OFD1: variants seen among roughly 807,000 people sequenced by gnomAD.
The protein encoded by OFD1 is OFD1 centriole and centriolar satellite protein.
In OFD1, 12 loss-of-function variants were observed where a neutral mutation model predicts 81.4. That is an observed-to-expected ratio of 0.15 (90% CI 0.09 to 0.24). The LOEUF (loss-of-function observed/expected upper bound fraction) is 0.24. Ranked by LOEUF, OFD1 falls within the 10% of genes least tolerant of loss-of-function variation. The pLI, the probability that OFD1 is intolerant of heterozygous loss-of-function variation, is 1.00. For synonymous variants in OFD1, 256 were observed against 263.7 expected, an observed-to-expected ratio of 0.97 and a Z score of 0.28; for missense variants, 685 against 733.9, an observed-to-expected ratio of 0.93 and a Z score of 0.77.
At chrX:13,767,677 G>C (rs2048184226) in intron 20 of OFD1, among the ~76,000 whole-genome samples, 1 of 111,296 alleles carries the variant, frequency 9.0e-6, no homozygotes, top group African/African-American at 3.3e-5. Context: ...TGCTTCCAGG[G>C]GCACACACTC....
downstream of OFD1, chrX:13,771,395 A>C (rs1478872003): frequency 9.0e-6 from 1 of 111,707 alleles, no homozygotes; most frequent in Non-Finnish European, 1.9e-5. Context: ...TTTAAAAAAA[A>C]AAAAAAATCC....
Position 13,746,383 on chromosome X carries a change from A to G in OFD1, c.582A>G (p.Glu194=), listed in dbSNP as rs747189455. The stretch of plus-strand genomic sequence containing the variant: ...CTTACCCTCAGCGTATCAAGTTCGA[A>G]TCTTTAGAAATAAAGCTAAATGAGT... ...ADAYPQRIKF[E]SLEIKLNEYK... is the part of the protein sequence containing the mutation. The change falls in exon 7 of 23, where the codon GAA becomes GAG. Residue 194 remains glutamate (E), a synonymous_variant. Coordinates refer to ENST00000340096, the MANE Select transcript of OFD1 (RefSeq NM_003611.3). 5.8e-6 allele frequency: 7 copies of G among 1,206,053 alleles called. No individual in the cohort carries two copies. The highest frequency in any genetic ancestry group is 1.8e-5 in the South Asian group (1 of 56,853).
At chrX:13,746,297 T>C (rs1211035749) in intron 6 of OFD1, 22 bp from the exon 7 acceptor site, 1 of 1,202,210 alleles carries the variant, frequency 8.3e-7, no homozygotes, top group Non-Finnish European at 1.1e-6. Flanking sequence ...ATGTCCTAAT[T>C]TGATGTGTTA....
At chrX:13,761,030 G>T in intron 16 of OFD1, 55 bp from the exon 17 acceptor site, 1 of 1,200,772 alleles carries the variant, frequency 8.3e-7, no homozygotes. Flanking sequence ...AACCACGTTG[G>T]TATCTTCTCC....
In OFD1 at chrX:13,746,805, T is replaced by G; in HGVS notation, c.680T>G (p.Ile227Arg). 8.3e-7 allele frequency: 1 copy of G among 1,201,096 alleles called. No homozygotes were observed. The highest frequency in any genetic ancestry group is 1.1e-6 in the Non-Finnish European group (1 of 888,387). ...TTGAAGTTTTTTAAAGATACCGAGA[T>G]AGCAAAAATTAAAATGGAAGCAAAA... ...QKLKFFKDTE[I>R]AKIKMEAKKK... Residue 227 changes from isoleucine to arginine, a missense_variant, in exon 8 of 23, where the codon ATA becomes AGA. Physicochemically the swap from Ile to Arg is moderately conservative, Grantham distance 97. Coordinates refer to ENST00000340096, the MANE Select transcript of OFD1 (RefSeq NM_003611.3).
At chrX:13,743,337 GAC>G (rs1342225976) in intron 5 of OFD1, among the ~76,000 whole-genome samples, 1 of 112,311 alleles carries the variant, frequency 8.9e-6, no homozygotes, top group East Asian at 2.8e-4. Flanking sequence ...TAGCAGTATA[GAC>G]TAATTATTTT....
downstream of OFD1, among the ~76,000 whole-genome samples, chrX:13,769,644 C>T (rs1423683611): frequency 1.7e-4 from 10 of 59,747 alleles, no homozygotes; most frequent in African/African-American, 5.0e-4. Context: ...GGAATTTAAA[C>T]CCCCCCGTGT....
At chrX:13,752,542 A>G (rs2047543969) in intron 10 of OFD1, among the ~76,000 whole-genome samples, 1 of 112,707 alleles carries the variant, frequency 8.9e-6, no homozygotes, top group Admixed American at 9.4e-5. Flanking sequence ...TGATTTTGAA[A>G]TGATGTATTT....
chrX:13,760,102 T>C lies in OFD1; in HGVS notation c.1655-13T>C. The C allele has an allele frequency of 8.3e-7, 1 of 1,212,030 alleles. No homozygotes were observed. The highest frequency in any genetic ancestry group is 1.7e-5 in the African/African-American group (1 of 57,898). ...TCCACTTACTTCTGAAATTGGCTTT[T>C]TGTACCCTGCAGCCCTAGAGAATGA... On this transcript the variant is annotated splice_polypyrimidine_tract_variant and intron_variant, in intron 15 of 22. Transcript: ENST00000340096.
the OFD1 span, among the ~76,000 whole-genome samples, chrX:13,729,404 T>G: frequency 9.9e-5 from 11 of 111,667 alleles, no homozygotes; most frequent in South Asian, 4.1e-3. Flanking sequence ...AACAGATATA[T>G]AGACCAATGG....
upstream of OFD1, chrX:13,734,708 T>C (rs113360545): frequency 1.8e-5 from 18 of 981,391 alleles, 1 homozygote; most frequent in African/African-American, 1.2e-4. Flanking sequence ...GCTCTTCAGC[T>C]CGGGAAGGCT....
In OFD1 at chrX:13,734,778, C is replaced by G. The variant is rs900081319; in HGVS notation, c.-294C>G. On this transcript the variant is annotated 5_prime_UTR_variant, in exon 1 of 23. Transcript: ENST00000340096. ...CTGTGAGGCGGTCCTGCCTCGCTGC[C>G]TTCAGTCCCTAGTGTCTGGGTCCCC... is the stretch of plus-strand genomic sequence containing the variant. 3 of 1,063,572 alleles carry G rather than the reference C, an allele frequency of 2.8e-6. No homozygotes were observed. Among genetic ancestry groups the G allele is most frequent in the African/African-American group, 1.9e-5 (1 of 52,841 alleles). The allele number at this position is 1,063,572 out of a possible 1,213,427, so 87.7% of individuals were successfully genotyped here. A position where few individuals can be genotyped will look rare whatever the true frequency, so the allele number is the denominator to read the frequency against.
chrX:13,715,510 A>G, the OFD1 span: 1,240 of 115,409 alleles, frequency 0.011, 19 homozygotes, highest in South Asian at 0.048. Flanking sequence ...CAGTGTAACC[A>G]TGACGTCCTA....
intron 5 of OFD1, among the ~76,000 whole-genome samples, chrX:13,740,430 G>T (rs899370467): frequency 8.9e-6 from 1 of 112,061 alleles, no homozygotes; most frequent in African/African-American, 3.2e-5. Flanking sequence ...TAATTCTGAG[G>T]TATATAGCTA....
chrX:13,762,473 A>C, intron 18 of OFD1, 29 bp downstream of exon 18: 2 of 931,374 alleles, frequency 2.1e-6, no homozygotes, highest in Non-Finnish European at 3.1e-6. Flanking sequence ...ACCAGTTTTT[A>C]TATGTTGAAA....
intron 10 of OFD1, among the ~76,000 whole-genome samples, chrX:13,751,849 A>G (rs2047515116): frequency 8.9e-6 from 1 of 111,967 alleles, no homozygotes; most frequent in Non-Finnish European, 1.9e-5. Flanking sequence ...ATTAACAACA[A>G]TAAAAAAATA....
upstream of OFD1, among the ~76,000 whole-genome samples, chrX:13,733,274 A>G (rs2046718941): frequency 9.0e-6 from 1 of 111,682 alleles, no homozygotes; most frequent in Non-Finnish European, 1.9e-5. Flanking sequence ...AGGATCATGT[A>G]CTAGTATTCA....
At chrX:13,740,792 C>CAA (rs1203809639) in intron 5 of OFD1, among the ~76,000 whole-genome samples, 9 of 69,753 alleles carry the variant, frequency 1.3e-4, no homozygotes, top group African/African-American at 1.6e-4. Context: ...GACTCCATCT[C>CAA]AAAAAAAAAA....
the OFD1 span, chrX:13,722,181 A>G: frequency 1.1e-5 from 1 of 91,256 alleles, no homozygotes; most frequent in Non-Finnish European, 2.1e-5. Context: ...AGGGCTTCTT[A>G]CTTTCTTCAG....
Sources: gnomAD v4.1 joint callset for allele counts (sites outside exome capture counted in the v4.1 genomes callset) on GRCh38, gnomAD v4.1.1 for gene constraint, MANE v1.5 for transcripts, NCBI Gene and HGNC (gene_info 2026-07-23, HGNC 2026-07-21) for gene names.